The following LMX1B variants were observed in gnomAD, a reference collection of about 807,000 sequenced individuals.
LMX1B encodes LIM homeobox transcription factor 1-beta.
LMX1B carries 12 observed loss-of-function variants against 51.4 expected under a neutral mutation model. The observed-to-expected ratio is 0.23, with a 90% CI of 0.15 to 0.38. The LOEUF is 0.38. Among genes scored for constraint, LMX1B ranks in the 10% least tolerant of loss-of-function variants. The pLI is 1.00. For missense variants in LMX1B, 445 were observed against 571.1 expected, an observed-to-expected ratio of 0.78 and a Z score of 2.25; for synonymous variants, 237 against 235.4, an observed-to-expected ratio of 1.01 and a Z score of -0.06.
At chr9:126,616,542 T>TG (rs1835305917) in intron 2 of LMX1B, among the ~76,000 whole-genome samples, 2 of 152,336 alleles carry the variant, frequency 1.3e-5, no homozygotes, top group South Asian at 2.1e-4. Context: ...AAAGCTCTGT[T>TG]GCAGACACAG....
At chr9:126,643,807 A>T (rs936064215) in intron 2 of LMX1B, among the ~76,000 whole-genome samples, 2 of 152,104 alleles carry the variant, frequency 1.3e-5, no homozygotes, top group South Asian at 2.1e-4. Context: ...AATTAACTCG[A>T]ATCAATACTG....
intron 2 of LMX1B, among the ~76,000 whole-genome samples, chr9:126,674,510 C>T (rs1243929278): frequency 1.3e-5 from 2 of 152,160 alleles, no homozygotes; most frequent in Non-Finnish European, 2.9e-5. Flanking sequence ...CATCAGAGAG[C>T]CTGGTGTGGG....
At position 126,614,202 on chromosome 9, in the gene LMX1B, G is replaced by T. The variant is rs1564143146; in HGVS notation, c.-248G>T. ...CGGGACTGACAAGCAGGTGACAGAG[G>T]AGCCGGCGCGCGTGGCTGCAAGTGT... is the stretch of plus-strand genomic sequence containing the variant. On this transcript the variant is annotated 5_prime_UTR_variant, in exon 1 of 8. Transcript: ENST00000373474. Among the ~76,000 whole-genome samples the T allele has an allele frequency of 1.4e-5, 2 of 146,112 alleles. No homozygotes were observed. Among genetic ancestry groups the T allele is most frequent in the Admixed American group, 1.4e-4 (2 of 14,752 alleles).
chr9:126,672,666 G>A (rs1330544842), intron 2 of LMX1B, among the ~76,000 whole-genome samples: 2 of 152,174 alleles, frequency 1.3e-5, no homozygotes, highest in African/African-American at 2.4e-5. Flanking sequence ...CCTCCCTCTC[G>A]CCCCATTCAG....
At chr9:126,624,683 T>C (rs1835486221) in intron 2 of LMX1B, among the ~76,000 whole-genome samples, 1 of 149,744 alleles carries the variant, frequency 6.7e-6, no homozygotes, top group South Asian at 2.1e-4. Context: ...TTTTTTTGGA[T>C]TTGGTTTGCA....
Position 126,690,904 on chromosome 9 carries a change from T to C in LMX1B, c.395T>C (p.Leu132Pro), listed in dbSNP as rs2030101767. ...IAPTEFVMRA[L>P]ECVYHLGCFC... ...CCCACCGAGTTCGTGATGCGGGCGCTGGAGTGCGTGTACCACCTGGGCTGC... is the reference window on the plus strand; with the variant it reads ...CCCACCGAGTTCGTGATGCGGGCGCCGGAGTGCGTGTACCACCTGGGCTGC... Residue 132 changes from leucine to proline, a missense_variant, in exon 3 of 8, where the codon CTG becomes CCG. Physicochemically the swap from Leu to Pro is moderately conservative, Grantham distance 98. Transcript: ENST00000373474. 1.9e-6 allele frequency: 3 copies of C among 1,613,836 alleles called. No individual in the cohort carries two copies. The highest frequency in any genetic ancestry group is 1.7e-6 in the Non-Finnish European group (2 of 1,179,960).
intron 2 of LMX1B, among the ~76,000 whole-genome samples, chr9:126,620,139 T>C (rs544799305): frequency 6.6e-6 from 1 of 152,292 alleles, no homozygotes; most frequent in Non-Finnish European, 1.5e-5. Flanking sequence ...ACAGGTTCTC[T>C]ACCCAGGTTC....
chr9:126,655,334 C>T (rs1836093820), intron 2 of LMX1B, among the ~76,000 whole-genome samples: 3 of 152,114 alleles, frequency 2.0e-5, no homozygotes, highest in African/African-American at 7.2e-5. Flanking sequence ...ACCACCCCTC[C>T]AGCACTGGAG....
rs539666502 is a variant in LMX1B, at chr9:126,641,260, A to G, written c.326+25691A>G. 13 of 152,336 alleles carry G rather than the reference A, an allele frequency of 8.5e-5. No homozygotes were observed. The highest frequency in any genetic ancestry group is 7.2e-4 in the Admixed American group (11 of 15,302). 9.4% of individuals were successfully genotyped at this position (152,336 alleles called of 1,614,324 possible). ...GGAGCCTGAAGTCCAGGCCTCTGAG[A>G]TGATAGTCATAATTAAAGCTGCTGT... On this transcript the variant is annotated intron_variant, in intron 2 of 7. Transcript: ENST00000373474. This position sits in a 1 kb window ranked among gnomAD's most constrained non-coding sequence, Gnocchi z 4.1.
At chr9:126,655,050 G>A (rs1564156401) in intron 2 of LMX1B, among the ~76,000 whole-genome samples, 1 of 152,260 alleles carries the variant, frequency 6.6e-6, no homozygotes, top group Non-Finnish European at 1.5e-5. Context: ...CCTGTGAAAT[G>A]GGGCGGTGGT....
chr9:126,642,489 C>A (rs1016739472), intron 2 of LMX1B, among the ~76,000 whole-genome samples: 1 of 152,164 alleles, frequency 6.6e-6, no homozygotes, highest in Non-Finnish European at 1.5e-5. Flanking sequence ...TTTTCCTTCT[C>A]TTCACCGGGC....
intron 2 of LMX1B, among the ~76,000 whole-genome samples, chr9:126,628,937 C>T (rs939280227): frequency 4.0e-5 from 6 of 151,296 alleles, no homozygotes; most frequent in East Asian, 1.9e-4. Flanking sequence ...TTTTCTCCAT[C>T]GTGTTTTTAT....
In LMX1B at chr9:126,697,965, T is replaced by G. The variant is rs2030405783; in HGVS notation, c.*1514T>G. The G allele has an allele frequency of 6.5e-6, 1 of 153,792 alleles. No homozygotes were observed. Among genetic ancestry groups the G allele is most frequent in the African/African-American group, 2.4e-5 (1 of 41,462 alleles). 9.5% of individuals were successfully genotyped at this position (153,792 alleles called of 1,614,324 possible). On this transcript the variant is annotated 3_prime_UTR_variant, in exon 8 of 8. Transcript: ENST00000373474. Reference sequence around the variant, plus strand: ...ATCTCGGCTCACCACAACCTCCGCCTCCCAGGTTCAAGTGATTCTGATGCC... The same window carrying G: ...ATCTCGGCTCACCACAACCTCCGCCGCCCAGGTTCAAGTGATTCTGATGCC...
intron 2 of LMX1B, among the ~76,000 whole-genome samples, chr9:126,653,596 G>A (rs1024750372): frequency 2.6e-5 from 4 of 152,172 alleles, no homozygotes; most frequent in South Asian, 2.1e-4. Flanking sequence ...GGACGTCCAC[G>A]TCAACACAGT....
At chr9:126,643,049 G>C (rs1349529981) in intron 2 of LMX1B, among the ~76,000 whole-genome samples, 1 of 152,212 alleles carries the variant, frequency 6.6e-6, no homozygotes. Context: ...TGAGGCTGCA[G>C]TGGGCAGGGG....
At position 126,615,650 on chromosome 9, in the gene LMX1B, C is replaced by G. The variant is rs1240497662; in HGVS notation, c.326+81C>G. ...CCCCCTGCCGGGCCCGGCCCGCGCC[C>G]GCTCTGCCGCCGGCTCTGTGCGCGG... On this transcript the variant is annotated intron_variant, in intron 2 of 7. Transcript: ENST00000373474. The surrounding 1 kb of genome is among the most constrained non-coding windows in gnomAD (Gnocchi z 6.0). 1.5e-6 allele frequency: 2 copies of G among 1,338,322 alleles called. No individual in the cohort carries two copies. Among genetic ancestry groups the G allele is most frequent in the African/African-American group, 3.0e-5 (2 of 66,404 alleles). 82.9% of individuals were successfully genotyped at this position (1,338,322 alleles called of 1,614,324 possible). A position where few individuals can be genotyped will look rare whatever the true frequency, so the allele number is the denominator to read the frequency against.
rs1313927450 is a variant in LMX1B, at chr9:126,626,949, T to A, written c.326+11380T>A. Reference sequence around the variant, plus strand: ...CGGGCCCGCAGCGTCCGCCGGTCCGTCCGGGCTCCTCTGCAGGGAAGAGGC... The same window carrying A: ...CGGGCCCGCAGCGTCCGCCGGTCCGACCGGGCTCCTCTGCAGGGAAGAGGC... On this transcript the variant is annotated intron_variant, in intron 2 of 7. Transcript: ENST00000373474. This position sits in a 1 kb window ranked among gnomAD's most constrained non-coding sequence, Gnocchi z 4.3. Among the ~76,000 whole-genome samples, 2 of 152,088 alleles carry A rather than the reference T, an allele frequency of 1.3e-5. No homozygotes were observed. The highest frequency in any genetic ancestry group is 6.5e-5 in the Admixed American group (1 of 15,282).
chr9:126,688,585 C>T (rs1382634592), intron 2 of LMX1B, among the ~76,000 whole-genome samples: 1 of 152,218 alleles, frequency 6.6e-6, no homozygotes, highest in Non-Finnish European at 1.5e-5. Context: ...CAAACCCAGG[C>T]TCCTTCCTCA....
rs145201526 is a variant in LMX1B, at chr9:126,659,025, C to T, written c.327-31811C>T. Among the ~76,000 whole-genome samples the T allele has an allele frequency of 5.4e-4, 83 of 152,328 alleles. No individual in the cohort carries two copies. The East Asian group carries it at 0.015, about 27-fold the overall frequency. On this transcript the variant is annotated intron_variant, in intron 2 of 7. Transcript: ENST00000373474. Reference sequence around the variant, plus strand: ...GAGGCGGGTGTTCTGGGGCTGGGGTCTGCCGAGGTATCCTCTCCTTCATGC... The same window carrying T: ...GAGGCGGGTGTTCTGGGGCTGGGGTTTGCCGAGGTATCCTCTCCTTCATGC...
Sources: gnomAD v4.1 joint callset for allele counts (sites outside exome capture counted in the v4.1 genomes callset) on GRCh38, gnomAD v4.1.1 for gene constraint, Gnocchi (gnomAD v3.1) non-coding constraint, MANE v1.5 for transcripts, NCBI Gene and HGNC (gene_info 2026-07-23, HGNC 2026-07-21) for gene names.